MMP28: variants seen among roughly 807,000 people sequenced by gnomAD.
MMP28 encodes the protein matrix metalloproteinase-28.
In MMP28, 55 loss-of-function variants were observed where a neutral mutation model predicts 60.5. The ratio of observed to expected loss-of-function variants is 0.91; its 90% confidence interval spans 0.73 to 1.14. The LOEUF is 1.14. MMP28 is among the 50% of genes most tolerant of loss of function. The pLI is 0.00. For missense variants in MMP28, 686 were observed against 738.3 expected (o/e 0.93, Z 0.82); for synonymous variants, 318 against 312.5 (o/e 1.02, Z -0.18).
chr17:35,788,192 A>G (rs2086710876), intron 1 of MMP28, among the ~76,000 whole-genome samples: 1 of 152,052 alleles, frequency 6.6e-6, no homozygotes, highest in Admixed American at 6.6e-5. Context: ...AGCCATCATG[A>G]GCCATTGTGG....
At chr17:35,787,093 A>G (rs1179166081) in intron 1 of MMP28, among the ~76,000 whole-genome samples, 2 of 152,204 alleles carry the variant, frequency 1.3e-5, no homozygotes, top group African/African-American at 4.8e-5. Flanking sequence ...CTGACTCTCA[A>G]TTAAGAAAAA....
intron 5 of MMP28, among the ~76,000 whole-genome samples, chr17:35,769,002 G>C (rs1392185660): frequency 1.3e-5 from 2 of 152,178 alleles, no homozygotes; most frequent in Non-Finnish European, 2.9e-5. Context: ...GGTGTCATGA[G>C]GGCAGAGTCC....
At chr17:35,776,103 T>C (rs2086320034) in intron 3 of MMP28, among the ~76,000 whole-genome samples, 1 of 152,108 alleles carries the variant, frequency 6.6e-6, no homozygotes, top group African/African-American at 2.4e-5. Flanking sequence ...CTCGATCTCC[T>C]GACCTCATGA....
intron 2 of MMP28, chr17:35,757,982 T>C (rs1237911263): frequency 1.3e-5 from 2 of 152,206 alleles, no homozygotes; most frequent in South Asian, 2.1e-4. Flanking sequence ...GTTATATTTA[T>C]GGCCCAGGCA....
chr17:35,779,450 C>T (rs984526661), intron 1 of MMP28, 127 bp from the exon 2 acceptor site: 3 of 714,624 alleles, frequency 4.2e-6, no homozygotes, highest in African/African-American at 1.8e-5. Flanking sequence ...GGTCTATAAG[C>T]TATAGCAGAA....
chr17:35,766,731 C>T lies in MMP28; in HGVS notation c.1332G>A (p.Gly444=). 2 of 1,594,654 alleles carry T rather than the reference C, an allele frequency of 1.3e-6. No homozygotes were observed. Among genetic ancestry groups the T allele is most frequent in the Non-Finnish European group, 1.7e-6 (2 of 1,171,468 alleles). ...GGTAGTAGGGCTCCACTTGCAGTCC[C>T]CCTCGGGCCAGCACGTAGTAGCGGG... ...KGARYYVLAR[G]GLQVEPYYPR... The change falls in exon 8 of 8, where the codon GGG becomes GGA. Residue 444 remains glycine, a synonymous_variant. Coordinates refer to ENST00000605424, the MANE Select transcript of MMP28 (RefSeq NM_024302.5). This position sits in a 1 kb window ranked among gnomAD's most constrained non-coding sequence, Gnocchi z 4.3.
intron 1 of MMP28, among the ~76,000 whole-genome samples, chr17:35,795,064 G>A (rs1430862495): frequency 1.3e-5 from 2 of 152,226 alleles, no homozygotes; most frequent in Admixed American, 1.3e-4. Flanking sequence ...GCCCATCAGT[G>A]CGGATCCGCG....
At chr17:35,794,291 G>C (rs1452602642) in intron 1 of MMP28, among the ~76,000 whole-genome samples, 3 of 147,324 alleles carry the variant, frequency 2.0e-5, no homozygotes, top group African/African-American at 7.6e-5. Flanking sequence ...TGTCGCCCAG[G>C]TTGCAGTGCA....
Position 35,766,722 on chromosome 17 carries a change from T to C in MMP28, c.1341A>G (p.Gln447=). The change falls in exon 8 of 8, where the codon CAA becomes CAG. Residue 447 remains glutamine (Q), a synonymous_variant. Transcript: ENST00000605424. This position sits in a 1 kb window ranked among gnomAD's most constrained non-coding sequence, Gnocchi z 4.3. ...RYYVLARGGL[Q]VEPYYPRSLQ... ...GACTTCGGGGGTAGTAGGGCTCCAC[T>C]TGCAGTCCCCCTCGGGCCAGCACGT... The C allele has an allele frequency of 6.2e-7, 1 of 1,600,088 alleles. No homozygotes were observed. Among genetic ancestry groups the C allele is most frequent in the Non-Finnish European group, 8.5e-7 (1 of 1,173,976 alleles).
chr17:35,784,736 C>T (rs1005175729), intron 1 of MMP28, among the ~76,000 whole-genome samples: 1 of 152,112 alleles, frequency 6.6e-6, no homozygotes, highest in African/African-American at 2.4e-5. Flanking sequence ...CATTTTCCTT[C>T]TAGGCTTCCA....
At chr17:35,785,936 T>C (rs866630951) in intron 1 of MMP28, among the ~76,000 whole-genome samples, 3 of 152,208 alleles carry the variant, frequency 2.0e-5, no homozygotes, top group African/African-American at 7.2e-5. Flanking sequence ...TCTAAGAAGA[T>C]GGTCTGGGAA....
At chr17:35,776,481 A>G (rs192053625) in intron 3 of MMP28, among the ~76,000 whole-genome samples, 2 of 152,268 alleles carry the variant, frequency 1.3e-5, no homozygotes, top group East Asian at 3.9e-4. Context: ...CAGCTGCCAG[A>G]TAAGTTTCTT....
chr17:35,772,930 T>A (rs551882972), intron 4 of MMP28, among the ~76,000 whole-genome samples: 116 of 152,332 alleles, frequency 7.6e-4, no homozygotes, highest in African/African-American at 2.7e-3. Context: ...CCAGAATGCA[T>A]AATACTCTTG....
intron 1 of MMP28, among the ~76,000 whole-genome samples, chr17:35,784,215 G>C (rs889596447): frequency 6.6e-6 from 1 of 151,296 alleles, no homozygotes; most frequent in African/African-American, 2.4e-5. Context: ...CCGGGAGGTG[G>C]AGGTTGCAGT....
intron 1 of MMP28, among the ~76,000 whole-genome samples, chr17:35,786,577 T>C (rs1363566466): frequency 2.0e-5 from 3 of 151,832 alleles, no homozygotes; most frequent in Non-Finnish European, 4.4e-5. Context: ...CAAGTCAAGA[T>C]GCAAAGGATG....
At chr17:35,764,131 C>A, downstream of MMP28, 1 of 1,549,636 alleles carries the variant, frequency 6.5e-7, no homozygotes, top group Non-Finnish European at 8.7e-7. Context: ...TGGAGGACAG[C>A]GCGACGGAGG....
intron 1 of MMP28, among the ~76,000 whole-genome samples, chr17:35,791,234 T>C (rs1318135930): frequency 1.3e-5 from 2 of 151,514 alleles, no homozygotes; most frequent in African/African-American, 2.4e-5. Flanking sequence ...GAAGCAGGGG[T>C]GGGCAAATAA....
rs986591842 is a variant in MMP28 at position 35,777,834 on chromosome 17, C to A, written c.379+1054G>T. Among the ~76,000 whole-genome samples, 5 of 152,232 alleles carry A rather than the reference C, an allele frequency of 3.3e-5. No individual in the cohort carries two copies. The South Asian group carries it at 1.0e-3, about 32-fold the overall frequency. ...GAGGCCAAGGCGGGTTCGAGACCAG[C>A]CTGGCCAACATGGCAAAACCCTGTC... is the stretch of plus-strand genomic sequence containing the variant. On this transcript the variant is annotated intron_variant, in intron 3 of 7. Transcript: ENST00000605424.
intron 4 of MMP28, among the ~76,000 whole-genome samples, chr17:35,772,900 T>A (rs116299860): frequency 0.027 from 4,177 of 152,284 alleles, 210 homozygotes; most frequent in African/African-American, 0.096. Flanking sequence ...GGATGGATGA[T>A]GGAACCTCGG....
Sources: allele counts gnomAD v4.1 joint callset (sites outside exome capture counted in the v4.1 genomes callset), GRCh38; gene constraint gnomAD v4.1.1; non-coding constraint Gnocchi (gnomAD v3.1); transcripts MANE v1.5; gene names NCBI Gene and HGNC (gene_info 2026-07-23, HGNC 2026-07-21).